HYCC1: variants seen among roughly 807,000 people sequenced by gnomAD.
The protein encoded by HYCC1 is hyccin.
chr7:23,002,101 A>G, the HYCC1 span, among the ~76,000 whole-genome samples: 2 of 147,510 alleles, frequency 1.4e-5, no homozygotes, highest in Admixed American at 1.4e-4. Context: ...ATACAACTCA[A>G]TTAAAATTGT....
the HYCC1 span, among the ~76,000 whole-genome samples, chr7:22,910,162 T>G: frequency 6.6e-6 from 1 of 152,358 alleles, no homozygotes; most frequent in South Asian, 2.1e-4. Flanking sequence ...AAATCTCATG[T>G]TGAAATGTGA....
chr7:22,997,293 C>T, the HYCC1 span, among the ~76,000 whole-genome samples: 1 of 151,998 alleles, frequency 6.6e-6, no homozygotes, highest in Non-Finnish European at 1.5e-5. Context: ...TTCCTTATTC[C>T]TATCTTTTAC....
chr7:22,904,300 A>G, the HYCC1 span, among the ~76,000 whole-genome samples: 1 of 151,796 alleles, frequency 6.6e-6, no homozygotes, highest in Non-Finnish European at 1.5e-5. Flanking sequence ...GCGTGGTGGC[A>G]GGTGCCTGTA....
the HYCC1 span, among the ~76,000 whole-genome samples, chr7:22,899,702 G>A: frequency 6.6e-6 from 1 of 152,038 alleles, no homozygotes; most frequent in African/African-American, 2.4e-5. Flanking sequence ...TATCCATATT[G>A]TACCAAAATG....
chr7:22,937,039 T>A, the HYCC1 span: 1 of 152,080 alleles, frequency 6.6e-6, no homozygotes, highest in Non-Finnish European at 1.5e-5. Context: ...GAAACAAAAG[T>A]CTTAAACTAG....
chr7:22,953,165 A>T, the HYCC1 span, among the ~76,000 whole-genome samples: 1 of 151,910 alleles, frequency 6.6e-6, no homozygotes, highest in Non-Finnish European at 1.5e-5. Flanking sequence ...GAATTGCAAC[A>T]TACGGCCGCT....
At chr7:22,898,389 T>C in the HYCC1 span, among the ~76,000 whole-genome samples, 2 of 151,566 alleles carry the variant, frequency 1.3e-5, no homozygotes, top group African/African-American at 2.4e-5. Context: ...AATTTTTGTA[T>C]TTTTAGTAGA....
At chr7:22,998,619 T>C in the HYCC1 span, among the ~76,000 whole-genome samples, 1 of 152,048 alleles carries the variant, frequency 6.6e-6, no homozygotes, top group African/African-American at 2.4e-5. Flanking sequence ...GAAGAATAAA[T>C]TTCACCCTTT....
chr7:23,007,106 G>C, the HYCC1 span, among the ~76,000 whole-genome samples: 1 of 152,018 alleles, frequency 6.6e-6, no homozygotes, highest in African/African-American at 2.4e-5. Flanking sequence ...TATTAAAATA[G>C]CAAAAGATGA....
the HYCC1 span, chr7:22,945,299 C>T: frequency 6.6e-6 from 3 of 452,038 alleles, no homozygotes; most frequent in East Asian, 8.5e-5. Flanking sequence ...ATTAGACAAC[C>T]TGTCAAAATT....
At chr7:22,922,544 C>G in the HYCC1 span, among the ~76,000 whole-genome samples, 1 of 152,190 alleles carries the variant, frequency 6.6e-6, no homozygotes, top group Non-Finnish European at 1.5e-5. Flanking sequence ...AAGAAAAGAT[C>G]AAACTTCAAA....
chr7:22,976,844 C>T, the HYCC1 span: 19 of 1,259,778 alleles, frequency 1.5e-5, no homozygotes, highest in Non-Finnish European at 1.7e-5. Flanking sequence ...AAAAAAAAAG[C>T]TATTCTGCTG....
the HYCC1 span, chr7:22,976,394 T>TA: frequency 2.2e-6 from 2 of 900,028 alleles, no homozygotes. Flanking sequence ...TGGGGAGAGA[T>TA]ACAATGTTAC....
chr7:23,013,648 G>T, the HYCC1 span, among the ~76,000 whole-genome samples: 1 of 151,782 alleles, frequency 6.6e-6, no homozygotes, highest in Non-Finnish European at 1.5e-5. Flanking sequence ...CAAAGCTGCC[G>T]CCCTCCAGGC....
chr7:22,945,557 C>T, the HYCC1 span: 1 of 1,495,170 alleles, frequency 6.7e-7, no homozygotes, highest in Non-Finnish European at 9.3e-7. Flanking sequence ...TTTCCAGGTT[C>T]ACTAGGTTAT....
chr7:22,907,789 A>T, the HYCC1 span, among the ~76,000 whole-genome samples: 2 of 152,220 alleles, frequency 1.3e-5, no homozygotes, highest in East Asian at 3.9e-4. Context: ...GCGCATGCTC[A>T]TAGTCCCAGC....
chr7:22,956,267 G>T, the HYCC1 span, among the ~76,000 whole-genome samples: 6 of 151,574 alleles, frequency 4.0e-5, no homozygotes, highest in Non-Finnish European at 7.4e-5. Flanking sequence ...AACACAATAC[G>T]CATAAAAGAA....
the HYCC1 span, among the ~76,000 whole-genome samples, chr7:22,914,208 G>A: frequency 1.4e-4 from 22 of 152,134 alleles, no homozygotes; most frequent in African/African-American, 2.9e-4. Flanking sequence ...TCTGATCACC[G>A]CGGGGACGCC....
At chr7:22,991,870 T>C in the HYCC1 span, among the ~76,000 whole-genome samples, 3 of 152,120 alleles carry the variant, frequency 2.0e-5, no homozygotes, top group Non-Finnish European at 4.4e-5. Context: ...AACTTCCAAA[T>C]TCAGTCACAA....
Sources: gnomAD v4.1 joint callset for allele counts (sites outside exome capture counted in the v4.1 genomes callset) on GRCh38, gnomAD v4.1.1 for gene constraint, MANE v1.5 for transcripts, NCBI Gene and HGNC (gene_info 2026-07-23, HGNC 2026-07-21) for gene names.